Variants in TDRD9 observed in about 807,000 individuals in gnomAD.
The protein encoded by TDRD9 is tudor domain containing 9.
In TDRD9, 124 loss-of-function variants were observed where a neutral mutation model predicts 172.6. The ratio of observed to expected loss-of-function variants is 0.72; its 90% CI spans 0.62 to 0.83. TDRD9 has a LOEUF of 0.83. Among genes scored for constraint, TDRD9 ranks in the 40% least tolerant of loss-of-function variants. The probability of loss-of-function intolerance (pLI) is 0.00; values close to 1 mark genes in which losing one functional copy is unlikely to be tolerated. For synonymous variants in TDRD9, 619 were observed against 617.1 expected (o/e 1.00, Z -0.05); for missense variants, 1,479 against 1,714.1 (o/e 0.86, Z 2.42).
Position 104,014,760 on chromosome 14 carries a change from C to T in TDRD9, c.2142C>T (p.Ile714=), listed in dbSNP as rs751692643. 6.2e-7 allele frequency: 1 copy of T among 1,611,514 alleles called. No individual in the cohort carries two copies. Among genetic ancestry groups the T allele is most frequent in the Non-Finnish European group, 8.5e-7 (1 of 1,178,476 alleles). The change falls in exon 21 of 36, where the codon ATC becomes ATT. Residue 714 remains isoleucine (I), a synonymous_variant. Coordinates refer to ENST00000409874, the MANE Select transcript of TDRD9 (RefSeq NM_153046.3). ...AELYEELKTR[I]SQFNMHVDSR... is the part of the protein sequence containing the mutation. ...TATATGAAGAATTGAAGACTAGAAT[C>T]TCACAGTTCAACATGCATGTTGATT... is the stretch of plus-strand genomic sequence containing the variant.
At chr14:104,041,602 A>G (rs1216750499) in intron 33 of TDRD9, among the ~76,000 whole-genome samples, 1 of 152,224 alleles carries the variant, frequency 6.6e-6, no homozygotes, top group Non-Finnish European at 1.5e-5. Flanking sequence ...ATCATATGTC[A>G]TTAGGAAAAT....
At chr14:103,993,385 T>A (rs2033945318) in intron 9 of TDRD9, among the ~76,000 whole-genome samples, 2 of 152,208 alleles carry the variant, frequency 1.3e-5, no homozygotes, top group Admixed American at 1.3e-4. Flanking sequence ...AATATGTTCA[T>A]GTGAATTCAA....
chr14:104,027,187 T>G (rs2035150207), intron 28 of TDRD9, among the ~76,000 whole-genome samples: 2 of 152,144 alleles, frequency 1.3e-5, no homozygotes, highest in Non-Finnish European at 2.9e-5. Flanking sequence ...CCTATTTAGC[T>G]TATTTTTAAA....
intron 7 of TDRD9, among the ~76,000 whole-genome samples, chr14:103,976,551 G>A (rs1028412699): frequency 1.3e-5 from 2 of 152,058 alleles, no homozygotes; most frequent in Non-Finnish European, 2.9e-5. Context: ...ATGAGCCACC[G>A]CGCCTGGCCT....
intron 1 of TDRD9, among the ~76,000 whole-genome samples, chr14:103,935,578 A>G (rs1365330381): frequency 6.6e-6 from 1 of 152,180 alleles, no homozygotes; most frequent in Non-Finnish European, 1.5e-5. Flanking sequence ...TGAGGAAGGA[A>G]GTCTGGCAGA....
At position 104,034,967 on chromosome 14, in the gene TDRD9, G is replaced by A. The variant is rs750672334; in HGVS notation, c.3627G>A (p.Thr1209=). Residue 1209 remains threonine (T), a synonymous_variant, in exon 32 of 36, where the codon ACG becomes ACA. Coordinates refer to ENST00000409874, the MANE Select transcript of TDRD9 (RefSeq NM_153046.3). ...ASLSINATGS[T]MLLRETSLMP... The stretch of plus-strand genomic sequence containing the variant: ...TTAGCATGACTTGAACAGGATCTAC[G>A]ATGCTGCTGAGAGAAACCTCTCTGA... The A allele has an allele frequency of 1.3e-6, 2 of 1,551,478 alleles. No homozygotes were observed. The highest frequency in any genetic ancestry group is 2.4e-5 in the East Asian group (1 of 40,906).
intron 1 of TDRD9, among the ~76,000 whole-genome samples, chr14:103,931,018 G>A (rs1418502429): frequency 1.3e-5 from 2 of 152,094 alleles, no homozygotes; most frequent in African/African-American, 4.8e-5. Context: ...TTCAATCTGG[G>A]TGTGGTGGCT....
chr14:104,042,048 T>C, intron 33 of TDRD9, 21 bp from the exon 34 acceptor site: 1 of 1,447,656 alleles, frequency 6.9e-7, no homozygotes, highest in Admixed American at 1.7e-5. Flanking sequence ...TATGAGTGTT[T>C]ATGTTGCTGT....
intron 20 of TDRD9, among the ~76,000 whole-genome samples, chr14:104,011,144 A>G (rs1407013191): frequency 1.3e-5 from 2 of 152,222 alleles, no homozygotes; most frequent in Admixed American, 1.3e-4. Context: ...CAACTGAGAC[A>G]CTGCTATGTG....
chr14:103,986,448 A>G (rs2033664435), intron 8 of TDRD9, 128 bp downstream of exon 8: 6 of 646,584 alleles, frequency 9.3e-6, no homozygotes, highest in Non-Finnish European at 1.5e-5. Context: ...GTTACTGTAT[A>G]TATTTTAAAA....
At chr14:103,977,424 C>T (rs1393974991) in intron 7 of TDRD9, among the ~76,000 whole-genome samples, 1 of 124,602 alleles carries the variant, frequency 8.0e-6, no homozygotes. Context: ...ACCCGGGAGG[C>T]GGAGCTTGCA....
rs1427510337 is a variant in TDRD9, at chr14:103,997,516, C to T, written c.1379-1108C>T. Reference sequence around the variant, plus strand: ...TTCGGGCTGAGACGTGCTAGATGTTCAGGTGGAGGTGTCATGGAAGCATCT... The same window carrying T: ...TTCGGGCTGAGACGTGCTAGATGTTTAGGTGGAGGTGTCATGGAAGCATCT... On this transcript the variant is annotated intron_variant, in intron 12 of 35. Transcript: ENST00000409874. This position sits in a 1 kb window ranked among gnomAD's most constrained non-coding sequence, Gnocchi z 5.1. Among the ~76,000 whole-genome samples, 1 of 152,138 alleles carries T rather than the reference C, an allele frequency of 6.6e-6. No individual in the cohort carries two copies. Among genetic ancestry groups the T allele is most frequent in the Non-Finnish European group, 1.5e-5 (1 of 68,012 alleles).
chr14:103,984,651 C>G (rs1025401505), intron 7 of TDRD9, among the ~76,000 whole-genome samples: 15 of 152,192 alleles, frequency 9.9e-5, no homozygotes, highest in Admixed American at 2.6e-4. Context: ...CATGGAGAAC[C>G]TCTGCTAGGG....
At chr14:103,975,330 A>C (rs937108984) in intron 6 of TDRD9, 59 bp from the exon 7 acceptor site, 23 of 1,523,658 alleles carry the variant, frequency 1.5e-5, no homozygotes, top group Non-Finnish European at 1.8e-5. Flanking sequence ...CAGTTTTAGA[A>C]GTATTTAATT....
intron 1 of TDRD9, among the ~76,000 whole-genome samples, chr14:103,946,090 C>T (rs1257567360): frequency 6.6e-6 from 1 of 152,034 alleles, no homozygotes; most frequent in Admixed American, 6.6e-5. Flanking sequence ...CTCAGCCTCT[C>T]AAGTAGCTGG....
At chr14:104,048,888 A>G (rs1313721903) in intron 34 of TDRD9, among the ~76,000 whole-genome samples, 2 of 152,136 alleles carry the variant, frequency 1.3e-5, no homozygotes, top group Non-Finnish European at 2.9e-5. Context: ...TCTGATCCAG[A>G]TCACATAGCC....
intron 12 of TDRD9, among the ~76,000 whole-genome samples, chr14:103,996,240 CTTCATCAA>C (rs1175238899): frequency 6.6e-6 from 1 of 152,172 alleles, no homozygotes; most frequent in African/African-American, 2.4e-5. Flanking sequence ...TGTGAGATTG[CTTCATCAA>C]TGAGTTTTCT....
intron 5 of TDRD9, among the ~76,000 whole-genome samples, chr14:103,969,494 G>A (rs1276590001): frequency 6.6e-6 from 1 of 152,140 alleles, no homozygotes; most frequent in Non-Finnish European, 1.5e-5. Context: ...GATTTATGAT[G>A]ATGTTAAATA....
At chr14:103,975,066 CT>C (rs932157922) in intron 6 of TDRD9, among the ~76,000 whole-genome samples, 2 of 152,252 alleles carry the variant, frequency 1.3e-5, no homozygotes, top group Admixed American at 1.3e-4. Context: ...GCCACAGTAT[CT>C]TTGTTTACCT....
Sources: allele counts gnomAD v4.1 joint callset (sites outside exome capture counted in the v4.1 genomes callset), GRCh38; gene constraint gnomAD v4.1.1; non-coding constraint Gnocchi (gnomAD v3.1); transcripts MANE v1.5; gene names NCBI Gene and HGNC (gene_info 2026-07-23, HGNC 2026-07-21).